DRC8: variants seen among roughly 807,000 people sequenced by gnomAD.
DRC8 encodes the protein dynein regulatory complex subunit 8.
the DRC8 span, among the ~76,000 whole-genome samples, chr1:245,014,856 A>T: frequency 1.3e-5 from 2 of 149,954 alleles, no homozygotes; most frequent in Non-Finnish European, 3.0e-5. Context: ...TATAGTGTTT[A>T]TTCAGTACAT....
chr1:244,978,759 G>A, the DRC8 span, among the ~76,000 whole-genome samples: 1 of 152,068 alleles, frequency 6.6e-6, no homozygotes, highest in African/African-American at 2.4e-5. Context: ...CAAAGTGCTG[G>A]GATTACAGGC....
At chr1:245,053,921 TG>T in the DRC8 span, among the ~76,000 whole-genome samples, 1 of 152,064 alleles carries the variant, frequency 6.6e-6, no homozygotes, top group Non-Finnish European at 1.5e-5. Context: ...TGGGGGTGGC[TG>T]GAAGAACACT....
At chr1:245,084,080 C>A in the DRC8 span, among the ~76,000 whole-genome samples, 1 of 108,702 alleles carries the variant, frequency 9.2e-6, no homozygotes, top group Non-Finnish European at 2.0e-5. Context: ...CCCGGCGCCC[C>A]GGCTTTTTTT....
the DRC8 span, chr1:245,002,323 C>T: frequency 1.8e-5 from 18 of 1,017,922 alleles, no homozygotes; most frequent in Non-Finnish European, 2.6e-5. Context: ...GTTAAGTTAT[C>T]CTCATTGATT....
the DRC8 span, chr1:245,015,709 CA>C: frequency 0.54 from 108,560 of 199,390 alleles, 22,826 homozygotes; most frequent in East Asian, 0.69. Context: ...GACTCTGTCT[CA>C]AAAAAAAAAA....
At chr1:245,114,163 T>C in the DRC8 span, among the ~76,000 whole-genome samples, 4 of 152,110 alleles carry the variant, frequency 2.6e-5, no homozygotes, top group Non-Finnish European at 5.9e-5. Flanking sequence ...GGATTCTTTT[T>C]TTTAAAAATT....
chr1:244,996,687 A>C, the DRC8 span, among the ~76,000 whole-genome samples: 8 of 152,186 alleles, frequency 5.3e-5, no homozygotes, highest in Non-Finnish European at 2.9e-5. Flanking sequence ...AAACGCTTGG[A>C]GCCTAGGCCT....
At chr1:245,002,133 AAC>A in the DRC8 span, 1 of 1,604,720 alleles carries the variant, frequency 6.2e-7, no homozygotes. Context: ...CCTGGGATAC[AAC>A]AGTGATGAGA....
the DRC8 span, among the ~76,000 whole-genome samples, chr1:245,094,157 A>G: frequency 6.6e-6 from 1 of 152,132 alleles, no homozygotes. Flanking sequence ...TTTTCCAACT[A>G]GTCTTGATAA....
the DRC8 span, among the ~76,000 whole-genome samples, chr1:245,068,476 C>G: frequency 6.6e-6 from 1 of 152,100 alleles, no homozygotes; most frequent in Non-Finnish European, 1.5e-5. Flanking sequence ...GGGTCTCACT[C>G]TGTTACCCAG....
chr1:245,084,068 C>CCCG, the DRC8 span, among the ~76,000 whole-genome samples: 1 of 114,412 alleles, frequency 8.7e-6, no homozygotes, highest in Non-Finnish European at 1.8e-5. Flanking sequence ...TTCCGCCCCC[C>CCCG]CCCCGGCGCC....
the DRC8 span, among the ~76,000 whole-genome samples, chr1:245,054,839 T>C: frequency 6.6e-6 from 1 of 152,234 alleles, no homozygotes; most frequent in African/African-American, 2.4e-5. Flanking sequence ...GCAAGTTAGC[T>C]TGTTACTGTC....
At chr1:245,077,840 G>A in the DRC8 span, among the ~76,000 whole-genome samples, 2 of 152,064 alleles carry the variant, frequency 1.3e-5, no homozygotes, top group African/African-American at 2.4e-5. Flanking sequence ...GATACTAAGA[G>A]CACAGGCAAC....
At chr1:245,113,293 C>G in the DRC8 span, among the ~76,000 whole-genome samples, 1 of 152,116 alleles carries the variant, frequency 6.6e-6, no homozygotes, top group Non-Finnish European at 1.5e-5. Context: ...CATAAAGATC[C>G]TGAGAAAAGC....
chr1:244,981,813 CAG>C, the DRC8 span, among the ~76,000 whole-genome samples: 4 of 152,128 alleles, frequency 2.6e-5, no homozygotes, highest in African/African-American at 7.2e-5. Flanking sequence ...GTTGGTTTAA[CAG>C]GGGAAGGGGA....
chr1:245,000,006 A>G, the DRC8 span, among the ~76,000 whole-genome samples: 3 of 152,166 alleles, frequency 2.0e-5, no homozygotes, highest in East Asian at 1.9e-4. Flanking sequence ...TTTAGTAGAC[A>G]TGGGGTTTCA....
chr1:244,998,294 G>A, the DRC8 span, among the ~76,000 whole-genome samples: 4 of 152,056 alleles, frequency 2.6e-5, no homozygotes, highest in Non-Finnish European at 4.4e-5. Context: ...CTGCAGCCTC[G>A]AATGGCTGGG....
the DRC8 span, chr1:245,124,894 A>G: frequency 6.6e-6 from 1 of 152,260 alleles, no homozygotes. Context: ...CAAACTCCTC[A>G]GGGAGATGGA....
the DRC8 span, among the ~76,000 whole-genome samples, chr1:245,119,750 G>A: frequency 0.017 from 2,561 of 152,068 alleles, 67 homozygotes; most frequent in African/African-American, 0.058. Flanking sequence ...TGGCTAACAT[G>A]GTGAAGCCCC....
Sources: allele counts gnomAD v4.1 joint callset (sites outside exome capture counted in the v4.1 genomes callset), GRCh38; gene constraint gnomAD v4.1.1; transcripts MANE v1.5; gene names NCBI Gene and HGNC (gene_info 2026-07-23, HGNC 2026-07-21).